The following FHIT variants were observed in gnomAD, a reference collection of about 807,000 sequenced individuals.
FHIT encodes the protein fragile histidine triad diadenosine triphosphatase.
FHIT carries 19 observed loss-of-function variants against 17.9 expected under a neutral mutation model. The observed-to-expected ratio is 1.06, with a 90% CI of 0.74 to 1.56. The LOEUF (loss-of-function observed/expected upper bound fraction) is 1.56. Ranked by LOEUF, FHIT falls within the 40% of genes most tolerant of loss-of-function variation. FHIT has a pLI of 0.00. For missense variants in FHIT, 248 were observed against 189.2 expected, an observed-to-expected ratio of 1.31 and a Z score of -1.82; for synonymous variants, 81 against 69.7, an observed-to-expected ratio of 1.16 and a Z score of -0.81.
At chr3:60,010,181 T>A (rs1218720663) in intron 7 of FHIT, among the ~76,000 whole-genome samples, 2 of 152,230 alleles carry the variant, frequency 1.3e-5, no homozygotes, top group South Asian at 2.1e-4. Flanking sequence ...TTTCAAGAAG[T>A]GATTTCAAAA....
At chr3:60,104,844 T>C (rs2107154381) in intron 5 of FHIT, among the ~76,000 whole-genome samples, 1 of 152,302 alleles carries the variant, frequency 6.6e-6, no homozygotes, top group East Asian at 1.9e-4. Context: ...TTAGTTACTA[T>C]GGGAACAGAG....
At chr3:60,462,862 T>C (rs2032561359) in intron 5 of FHIT, among the ~76,000 whole-genome samples, 1 of 152,204 alleles carries the variant, frequency 6.6e-6, no homozygotes, top group Admixed American at 6.5e-5. Context: ...TACACAGTCA[T>C]GGCACAGTCC....
At chr3:60,900,581 G>T (rs1316012270) in intron 3 of FHIT, among the ~76,000 whole-genome samples, 1 of 152,012 alleles carries the variant, frequency 6.6e-6, no homozygotes, top group African/African-American at 2.4e-5. Context: ...ATTTGAGCCT[G>T]CATGGACACT....
chr3:60,221,220 C>T (rs958206224), intron 5 of FHIT, among the ~76,000 whole-genome samples: 4 of 152,142 alleles, frequency 2.6e-5, no homozygotes, highest in African/African-American at 4.8e-5. Flanking sequence ...CCTTTTTCAT[C>T]AACTAACATG....
chr3:60,891,446 A>G (rs191732902), intron 3 of FHIT, among the ~76,000 whole-genome samples: 5 of 152,276 alleles, frequency 3.3e-5, no homozygotes, highest in Middle Eastern at 3.4e-3. Context: ...GAGAAACTCT[A>G]TTGTTTCCCA....
chr3:61,068,656 T>C (rs2034696826), intron 2 of FHIT, among the ~76,000 whole-genome samples: 1 of 145,504 alleles, frequency 6.9e-6, no homozygotes, highest in Admixed American at 6.8e-5. Context: ...GTAGATATCT[T>C]TGGGGGGAGG....
chr3:60,641,985 G>A (rs1386802678), intron 4 of FHIT, among the ~76,000 whole-genome samples: 3 of 152,068 alleles, frequency 2.0e-5, no homozygotes, highest in Non-Finnish European at 2.9e-5. Context: ...AAAGGTGGGT[G>A]GGTTAGGGGT....
chr3:60,866,622 G>A (rs1482727580), intron 3 of FHIT, among the ~76,000 whole-genome samples: 1 of 152,174 alleles, frequency 6.6e-6, no homozygotes, highest in Admixed American at 6.6e-5. Flanking sequence ...ACATGAGATA[G>A]TAAATGTTTA....
chr3:60,793,457 C>G (rs1553729203), intron 4 of FHIT, among the ~76,000 whole-genome samples: 1 of 152,082 alleles, frequency 6.6e-6, no homozygotes. Context: ...TGCCTGCTAC[C>G]ACGCCCAGCT....
rs144696982 is a variant in FHIT at position 60,943,272 on chromosome 3, CT to C, written c.-111+98774del. Among the ~76,000 whole-genome samples the C allele has an allele frequency of 4.2e-3, 640 of 152,142 alleles. 3 individuals carry two copies. The highest frequency in any genetic ancestry group is 0.015 in the African/African-American group (607 of 41,544). On this transcript the variant is annotated intron_variant, in intron 3 of 9. Transcript: ENST00000492590. Reference sequence around the variant, plus strand: ...TGGTGACTGTGTCAATTTTTACTTTCTATATTTTTAAAAGGATGCTACTAGG... The same window carrying C: ...TGGTGACTGTGTCAATTTTTACTTTCATATTTTTAAAAGGATGCTACTAGG...
chr3:59,806,418 A>G (rs1420953795), intron 8 of FHIT, among the ~76,000 whole-genome samples: 2 of 152,086 alleles, frequency 1.3e-5, no homozygotes, highest in African/African-American at 4.8e-5. Flanking sequence ...TTAGAGCTCT[A>G]AATTTATACT....
At chr3:60,782,233 G>GTATATATATATATATA (rs775581148) in intron 4 of FHIT, among the ~76,000 whole-genome samples, 74 of 133,172 alleles carry the variant, frequency 5.6e-4, no homozygotes, top group South Asian at 1.2e-3. Context: ...GTGTGTGTGT[G>GTATATATATATATATA]TGTGTATATA....
intron 5 of FHIT, among the ~76,000 whole-genome samples, chr3:60,488,449 A>G (rs1559486116): frequency 6.6e-6 from 1 of 152,152 alleles, no homozygotes; most frequent in East Asian, 1.9e-4. Flanking sequence ...CAGTCACTGT[A>G]GGACTATTCA....
intron 2 of FHIT, among the ~76,000 whole-genome samples, chr3:61,061,597 A>G (rs746859559): frequency 5.9e-4 from 89 of 152,070 alleles, no homozygotes; most frequent in East Asian, 3.9e-4. Flanking sequence ...TTTTAAGTCT[A>G]TGGACTTGCT....
chr3:60,450,868 A>G (rs535595632), intron 5 of FHIT, among the ~76,000 whole-genome samples: 5 of 152,300 alleles, frequency 3.3e-5, no homozygotes, highest in South Asian at 4.1e-4. Flanking sequence ...GTGACTTCGA[A>G]TTATTTAACA....
chr3:61,173,149 G>T (rs968805237), intron 2 of FHIT, among the ~76,000 whole-genome samples: 1 of 152,086 alleles, frequency 6.6e-6, no homozygotes, highest in African/African-American at 2.4e-5. Flanking sequence ...ACAGTTTACA[G>T]ACCAAATAAA....
chr3:60,134,110 A>G (rs540444547), intron 5 of FHIT, among the ~76,000 whole-genome samples: 35 of 152,278 alleles, frequency 2.3e-4, no homozygotes, highest in African/African-American at 7.7e-4. Context: ...AAATGATATT[A>G]AAGAAAAGGG....
At chr3:59,842,112 T>C (rs576271059) in intron 8 of FHIT, among the ~76,000 whole-genome samples, 1 of 152,244 alleles carries the variant, frequency 6.6e-6, no homozygotes, top group African/African-American at 2.4e-5. Flanking sequence ...TTTCTGTCCA[T>C]GAGGGTTGAC....
intron 8 of FHIT, among the ~76,000 whole-genome samples, chr3:59,871,098 C>G (rs1048518254): frequency 2.6e-5 from 4 of 152,142 alleles, no homozygotes; most frequent in African/African-American, 9.7e-5. Context: ...AGACTGACAA[C>G]TTGCATTTCT....
Sources: gnomAD v4.1 joint callset for allele counts (sites outside exome capture counted in the v4.1 genomes callset) on GRCh38, gnomAD v4.1.1 for gene constraint, MANE v1.5 for transcripts, NCBI Gene and HGNC (gene_info 2026-07-23, HGNC 2026-07-21) for gene names.